PSPC1: variants seen among roughly 807,000 people sequenced by gnomAD.
The protein encoded by PSPC1 is paraspeckle protein 1.
A neutral mutation model predicts 51.6 loss-of-function variants in PSPC1; 14 were observed. That is an observed-to-expected ratio of 0.27 (90% CI 0.18 to 0.42). The LOEUF (loss-of-function observed/expected upper bound fraction) is 0.42, where lower values mean the gene tolerates loss of function less well. PSPC1 is among the 10% of genes least tolerant of loss of function. The pLI is 1.00. For missense variants in PSPC1, 406 were observed against 701.1 expected (o/e 0.58, Z 4.75); for synonymous variants, 193 against 231.9 (o/e 0.83, Z 1.53).
intron 6 of PSPC1, among the ~76,000 whole-genome samples, chr13:19,717,556 A>C (rs2137828218): frequency 6.6e-6 from 1 of 150,396 alleles, no homozygotes; most frequent in East Asian, 2.0e-4. Context: ...AACACAAAAA[A>C]TCAGCCAGGT....
chr13:19,701,556 T>C (rs1879907234), downstream of PSPC1, among the ~76,000 whole-genome samples: 1 of 152,150 alleles, frequency 6.6e-6, no homozygotes, highest in Non-Finnish European at 1.5e-5. Context: ...TTTTGGAAAA[T>C]AGTTCCATCC....
At chr13:19,740,860 G>C (rs1185720403) in intron 5 of PSPC1, among the ~76,000 whole-genome samples, 1 of 151,538 alleles carries the variant, frequency 6.6e-6, no homozygotes, top group Non-Finnish European at 1.5e-5. Flanking sequence ...TTTTAACACG[G>C]AGTCAACTTC....
intron 7 of PSPC1, among the ~76,000 whole-genome samples, chr13:19,707,157 G>A (rs1377791353): frequency 6.6e-6 from 1 of 152,044 alleles, no homozygotes; most frequent in Non-Finnish European, 1.5e-5. Context: ...TTTTACAATG[G>A]TGGGTTCGGA....
intron 8 of PSPC1, among the ~76,000 whole-genome samples, 178 bp downstream of exon 8, chr13:19,705,482 ACT>A (rs1033951544): frequency 4.0e-5 from 6 of 149,860 alleles, no homozygotes; most frequent in African/African-American, 9.9e-5. Flanking sequence ...ATAGTGCGAG[ACT>A]CTCTGTCTCA....
At chr13:19,720,801 G>C (rs1357683686) in intron 6 of PSPC1, among the ~76,000 whole-genome samples, 2 of 152,170 alleles carry the variant, frequency 1.3e-5, no homozygotes, top group Non-Finnish European at 2.9e-5. Flanking sequence ...TATAGTATAA[G>C]ATACCATTAA....
intron 1 of PSPC1, among the ~76,000 whole-genome samples, chr13:19,774,003 C>T (rs1888860711): frequency 6.6e-6 from 1 of 152,110 alleles, no homozygotes; most frequent in African/African-American, 2.4e-5. Context: ...ATGGGTTACA[C>T]ATTTCTCACT....
intron 4 of PSPC1, among the ~76,000 whole-genome samples, chr13:19,749,953 G>A (rs956443666): frequency 2.0e-5 from 3 of 152,160 alleles, no homozygotes; most frequent in African/African-American, 7.2e-5. Flanking sequence ...TTTAACGTAT[G>A]TGGCATCAGC....
intron 5 of PSPC1, among the ~76,000 whole-genome samples, chr13:19,730,624 G>C (rs909350438): frequency 1.3e-5 from 2 of 151,930 alleles, no homozygotes; most frequent in African/African-American, 4.8e-5. Context: ...GAAATTGAGA[G>C]TCAAAAAAAG....
intron 6 of PSPC1, among the ~76,000 whole-genome samples, chr13:19,686,449 A>T (rs1212616220): frequency 6.6e-6 from 1 of 152,234 alleles, no homozygotes; most frequent in Non-Finnish European, 1.5e-5. Context: ...GGAGGAAGTG[A>T]TCACAAAAAA....
downstream of PSPC1, among the ~76,000 whole-genome samples, chr13:19,699,856 A>G (rs1189674892): frequency 2.0e-5 from 3 of 152,020 alleles, no homozygotes; most frequent in Admixed American, 2.0e-4. Flanking sequence ...TATCACTGCT[A>G]TCCTCTGACA....
intron 4 of PSPC1, among the ~76,000 whole-genome samples, chr13:19,750,388 C>T (rs1593705157): frequency 6.6e-6 from 1 of 151,484 alleles, no homozygotes; most frequent in East Asian, 1.9e-4. Flanking sequence ...GACAATATGG[C>T]GCCACTGCAC....
At position 19,782,636 on chromosome 13, in the gene PSPC1, A is replaced by C. The variant is rs776953530; in HGVS notation, c.122T>G (p.Leu41Arg). The change falls in exon 1 of 9, where the codon CTT becomes CGT. Residue 41 changes from leucine to arginine, a missense_variant. Physicochemically the swap from Leu to Arg is moderately radical, Grantham distance 102. Coordinates refer to ENST00000338910, the MANE Select transcript of PSPC1 (RefSeq NM_001354909.2). This position sits in a 1 kb window ranked among gnomAD's most constrained non-coding sequence, Gnocchi z 4.5. ...PAAAAAMALALAGEPAPPAPA... is the reference protein window; with the variant it reads ...PAAAAAMALARAGEPAPPAPA... ...CGCGGGCGGTGCCGGCTCCCCGGCA[A>C]GAGCGAGCGCCATGGCTGCCGCGGC... 1 of 1,569,206 alleles carries C rather than the reference A, an allele frequency of 6.4e-7. No homozygotes were observed. The highest frequency in any genetic ancestry group is 8.6e-7 in the Non-Finnish European group (1 of 1,163,646).
downstream of PSPC1, among the ~76,000 whole-genome samples, chr13:19,699,132 C>T (rs1280611991): frequency 1.3e-5 from 2 of 151,762 alleles, no homozygotes; most frequent in Non-Finnish European, 3.0e-5. Context: ...ATTCCATAAT[C>T]AAGGAAACAA....
At chr13:19,712,246 A>G (rs1881534221) in intron 6 of PSPC1, among the ~76,000 whole-genome samples, 1 of 152,216 alleles carries the variant, frequency 6.6e-6, no homozygotes, top group African/African-American at 2.4e-5. Flanking sequence ...TCACTATGAA[A>G]GGTTAGGAAT....
At chr13:19,675,763 A>G (rs996234579) in intron 7 of PSPC1, 1 of 152,226 alleles carries the variant, frequency 6.6e-6, no homozygotes, top group African/African-American at 2.4e-5. Context: ...GACTAGAATC[A>G]CTGACCAGCA....
intron 2 of PSPC1, among the ~76,000 whole-genome samples, chr13:19,771,888 G>T (rs1411581912): frequency 6.6e-6 from 1 of 152,190 alleles, no homozygotes; most frequent in Non-Finnish European, 1.5e-5. Context: ...TCTGGGGCTT[G>T]AGCCACTGCA....
chr13:19,679,331 C>CA (rs66696222), intron 6 of PSPC1, among the ~76,000 whole-genome samples: 16,194 of 151,884 alleles, frequency 0.11, 1,038 homozygotes, highest in African/African-American at 0.18. Flanking sequence ...CCCGTCTCTA[C>CA]AAAAAAATAC....
intron 4 of PSPC1, among the ~76,000 whole-genome samples, chr13:19,742,276 A>C (rs1885514570): frequency 6.9e-6 from 1 of 144,208 alleles, no homozygotes; most frequent in African/African-American, 2.5e-5. Context: ...AAAAAAAAAA[A>C]CAAACAAATA....
intron 6 of PSPC1, among the ~76,000 whole-genome samples, chr13:19,723,927 T>C (rs1243792541): frequency 2.0e-5 from 3 of 152,218 alleles, no homozygotes; most frequent in East Asian, 1.9e-4. Context: ...TTCACCAACA[T>C]GTCCAAACCA....
Sources: allele counts gnomAD v4.1 joint callset (sites outside exome capture counted in the v4.1 genomes callset), GRCh38; gene constraint gnomAD v4.1.1; non-coding constraint Gnocchi (gnomAD v3.1); transcripts MANE v1.5; gene names NCBI Gene and HGNC (gene_info 2026-07-23, HGNC 2026-07-21).